Variants in UST observed in about 807,000 individuals in gnomAD.
The protein encoded by UST is chondroitin sulfate 2-O-sulfotransferase.
A neutral mutation model predicts 45.6 loss-of-function variants in UST; 21 were observed. The observed-to-expected ratio is 0.46, with a 90% CI of 0.33 to 0.66. UST has a LOEUF of 0.66. Ranked by LOEUF, UST falls within the 30% of genes least tolerant of loss-of-function variation. The probability of loss-of-function intolerance (pLI) is 0.02; values close to 1 mark genes in which losing one functional copy is unlikely to be tolerated. For synonymous variants in UST, 215 were observed against 200.6 expected (o/e 1.07, Z -0.61); for missense variants, 463 against 512.4 (o/e 0.90, Z 0.93).
At chr6:148,840,483 A>G (rs1406649623) in intron 1 of UST, among the ~76,000 whole-genome samples, 2 of 152,142 alleles carry the variant, frequency 1.3e-5, no homozygotes, top group South Asian at 2.1e-4. Context: ...AGTGGTTAGC[A>G]TCAGAAGGAA....
At chr6:148,931,532 T>A (rs916829361) in intron 2 of UST, among the ~76,000 whole-genome samples, 20 of 152,202 alleles carry the variant, frequency 1.3e-4, no homozygotes, top group African/African-American at 4.6e-4. Context: ...AATTGATTAA[T>A]ACTAAAAATG....
chr6:148,788,108 A>C (rs1224866640), intron 1 of UST, among the ~76,000 whole-genome samples: 1 of 152,200 alleles, frequency 6.6e-6, no homozygotes, highest in Admixed American at 6.5e-5. Flanking sequence ...CTCTTCTTAC[A>C]TTGCAGCGGC....
At chr6:148,937,364 C>T (rs1780044349) in intron 2 of UST, among the ~76,000 whole-genome samples, 1 of 152,154 alleles carries the variant, frequency 6.6e-6, no homozygotes, top group African/African-American at 2.4e-5. Flanking sequence ...GACCCAGCTG[C>T]AGAAATGACA....
chr6:148,817,189 G>C (rs1030185278), intron 1 of UST, among the ~76,000 whole-genome samples: 1 of 152,200 alleles, frequency 6.6e-6, no homozygotes, highest in African/African-American at 2.4e-5. Flanking sequence ...CTAAATAAAG[G>C]CTAACTTTCA....
At chr6:149,065,234 G>T (rs1000078274) in intron 7 of UST, among the ~76,000 whole-genome samples, 6 of 151,840 alleles carry the variant, frequency 4.0e-5, no homozygotes, top group African/African-American at 1.5e-4. Flanking sequence ...ACAATTATTT[G>T]AAAAAAAATC....
Position 148,772,767 on chromosome 6 carries a change from T to A in UST, c.247+25090T>A, listed in dbSNP as rs1776457263. ...TACTCCCCATCCCTAAGACATGAGA[T>A]CTGGGCCAGAATCTTTCTCAGAGGG... On this transcript the variant is annotated intron_variant, in intron 1 of 7. Coordinates refer to ENST00000367463, the MANE Select transcript of UST (RefSeq NM_005715.3). Among the ~76,000 whole-genome samples the A allele has an allele frequency of 3.3e-5, 5 of 152,252 alleles. No homozygotes were observed. The South Asian group carries it at 1.0e-3, about 32-fold the overall frequency.
At chr6:148,865,213 C>T (rs940028382) in intron 1 of UST, among the ~76,000 whole-genome samples, 1 of 152,176 alleles carries the variant, frequency 6.6e-6, no homozygotes, top group African/African-American at 2.4e-5. Context: ...ACTCGAAATG[C>T]AAGCCCTCTT....
At chr6:148,850,959 C>T (rs1056815688) in intron 1 of UST, among the ~76,000 whole-genome samples, 1 of 152,172 alleles carries the variant, frequency 6.6e-6, no homozygotes, top group Non-Finnish European at 1.5e-5. Flanking sequence ...GCATCAGAAC[C>T]CCTAGGCTCT....
In UST at chr6:149,062,448, G is replaced by T. The variant is rs545387473; in HGVS notation, c.938-11385G>T. Among the ~76,000 whole-genome samples, 13 of 152,330 alleles carry T rather than the reference G, an allele frequency of 8.5e-5. No individual in the cohort carries two copies. In the East Asian group the frequency reaches 1.5e-3, roughly 18 times the overall value. ...ACAAACATTTATGGAGGGTGGTTAG[G>T]TGCCAGGCATGGAGCTGGACACTGG... On this transcript the variant is annotated intron_variant, in intron 7 of 7. Coordinates refer to ENST00000367463, the MANE Select transcript of UST (RefSeq NM_005715.3).
chr6:148,833,704 C>G (rs1229921089), intron 1 of UST, among the ~76,000 whole-genome samples: 11 of 152,158 alleles, frequency 7.2e-5, no homozygotes, highest in Admixed American at 7.2e-4. Context: ...CAACTGCCCA[C>G]CTATAAACTT....
chr6:148,751,834 G>A (rs1408624162), intron 1 of UST, among the ~76,000 whole-genome samples: 4 of 152,138 alleles, frequency 2.6e-5, no homozygotes, highest in African/African-American at 9.7e-5. Flanking sequence ...TTATGATGCA[G>A]CCTTGCTGCC....
chr6:148,924,097 G>T (rs567141356), intron 2 of UST, among the ~76,000 whole-genome samples: 1 of 152,292 alleles, frequency 6.6e-6, no homozygotes, highest in East Asian at 1.9e-4. Context: ...TAAGGGACTT[G>T]ACACAGGTAT....
chr6:148,871,354 A>G (rs1778556696), intron 1 of UST, among the ~76,000 whole-genome samples: 1 of 152,170 alleles, frequency 6.6e-6, no homozygotes, highest in South Asian at 2.1e-4. Flanking sequence ...AGTCCAAACT[A>G]AGACTGTATC....
At chr6:148,797,288 G>C (rs1320359561) in intron 1 of UST, among the ~76,000 whole-genome samples, 2 of 151,832 alleles carry the variant, frequency 1.3e-5, no homozygotes, top group African/African-American at 4.8e-5. Context: ...AAAAATGAAC[G>C]AACAAAAACC....
At chr6:148,984,749 T>C (rs1456002108) in intron 5 of UST, among the ~76,000 whole-genome samples, 1 of 152,180 alleles carries the variant, frequency 6.6e-6, no homozygotes, top group Non-Finnish European at 1.5e-5. Context: ...CCTTGAGCCA[T>C]CTTTCTGCCT....
At chr6:148,868,664 G>A (rs1306712549) in intron 1 of UST, among the ~76,000 whole-genome samples, 6 of 152,132 alleles carry the variant, frequency 3.9e-5, no homozygotes, top group Non-Finnish European at 8.8e-5. Flanking sequence ...TACTACAAGT[G>A]TAGGAATACC....
intron 2 of UST, among the ~76,000 whole-genome samples, chr6:148,900,638 C>G (rs114795239): frequency 0.021 from 3,240 of 152,302 alleles, 108 homozygotes; most frequent in African/African-American, 0.074. Context: ...TTATCAGCAG[C>G]ATGAAAATGA....
intron 1 of UST, among the ~76,000 whole-genome samples, chr6:148,786,034 G>A (rs1038349): frequency 0.75 from 114,387 of 151,768 alleles, 43,123 homozygotes; most frequent in Middle Eastern, 0.88. Context: ...AGTATATAGT[G>A]CAATTGGAAC....
chr6:148,896,393 G>A (rs780839204), intron 2 of UST, among the ~76,000 whole-genome samples: 5 of 152,170 alleles, frequency 3.3e-5, no homozygotes, highest in Admixed American at 6.5e-5. Flanking sequence ...GTGCAGGGCC[G>A]CCCTGCCTAG....
Sources: allele counts gnomAD v4.1 joint callset (sites outside exome capture counted in the v4.1 genomes callset), GRCh38; gene constraint gnomAD v4.1.1; transcripts MANE v1.5; gene names NCBI Gene and HGNC (gene_info 2026-07-23, HGNC 2026-07-21).